The following TYR variants were observed in gnomAD, a reference collection of about 807,000 sequenced individuals.
The protein encoded by TYR is tyrosinase.
Under a neutral mutation model 51.5 loss-of-function variants are expected in TYR, and 58 were observed. That is an observed-to-expected ratio of 1.13 (90% CI 0.91 to 1.40). The LOEUF is 1.40. Ranked by LOEUF, TYR falls within the 40% of genes most tolerant of loss-of-function variation. The pLI, the probability that TYR is intolerant of heterozygous loss-of-function variation, is 0.00. For synonymous variants in TYR, 263 were observed against 235.2 expected, an observed-to-expected ratio of 1.12 and a Z score of -1.08; for missense variants, 732 against 647.4, an observed-to-expected ratio of 1.13 and a Z score of -1.42.
chr11:89,222,778 G>T (rs181811017), intron 2 of TYR, among the ~76,000 whole-genome samples: 2 of 152,208 alleles, frequency 1.3e-5, no homozygotes, highest in East Asian at 3.9e-4. Context: ...ACCTGAAACT[G>T]GGTTTATTAA....
At chr11:89,189,700 T>C (rs977320585) in intron 1 of TYR, among the ~76,000 whole-genome samples, 1 of 152,162 alleles carries the variant, frequency 6.6e-6, no homozygotes, top group East Asian at 1.9e-4. Flanking sequence ...ATAAATATTT[T>C]ATTTTCTATA....
chr11:89,224,845 T>C (rs75610841), intron 2 of TYR, among the ~76,000 whole-genome samples: 2,550 of 152,270 alleles, frequency 0.017, 65 homozygotes, highest in African/African-American at 0.059. Flanking sequence ...GGGTAGTTTA[T>C]AAATAAATTC....
intron 4 of TYR, among the ~76,000 whole-genome samples, chr11:89,290,333 T>A (rs1944840824): frequency 6.6e-6 from 1 of 151,978 alleles, no homozygotes; most frequent in Admixed American, 6.6e-5. Flanking sequence ...TTGAGACCAC[T>A]TGGAATGAAT....
At chr11:89,290,037 C>T (rs1381866329) in intron 4 of TYR, among the ~76,000 whole-genome samples, 1 of 151,868 alleles carries the variant, frequency 6.6e-6, no homozygotes, top group African/African-American at 2.4e-5. Context: ...AGTAATGGCC[C>T]CTAACTACTT....
chr11:89,264,424 A>C (rs1944499996), intron 3 of TYR, among the ~76,000 whole-genome samples: 1 of 151,842 alleles, frequency 6.6e-6, no homozygotes, highest in Non-Finnish European at 1.5e-5. Context: ...GGTTGATTAC[A>C]TAGGTAAACT....
intron 3 of TYR, among the ~76,000 whole-genome samples, chr11:89,271,126 A>C (rs550455464): frequency 6.6e-6 from 1 of 151,892 alleles, no homozygotes; most frequent in Non-Finnish European, 1.5e-5. Context: ...AGTATTTATA[A>C]TTTTAATAAC....
At chr11:89,229,571 A>G (rs1944019494) in intron 3 of TYR, among the ~76,000 whole-genome samples, 1 of 152,010 alleles carries the variant, frequency 6.6e-6, no homozygotes, top group Admixed American at 6.6e-5. Context: ...AAAAAAAAGA[A>G]AAAGAAAAAC....
intron 2 of TYR, among the ~76,000 whole-genome samples, chr11:89,220,185 G>A (rs1206316597): frequency 2.0e-5 from 3 of 151,992 alleles, no homozygotes; most frequent in Non-Finnish European, 2.9e-5. Context: ...TCTGTAGGCC[G>A]TACAGGAAGC....
At chr11:89,231,101 G>C (rs905172299) in intron 3 of TYR, among the ~76,000 whole-genome samples, 1 of 146,744 alleles carries the variant, frequency 6.8e-6, no homozygotes, top group Non-Finnish European at 1.5e-5. Context: ...AACTTGGGAG[G>C]TAGAGTTTGC....
chr11:89,231,764 G>T (rs1442999865), intron 3 of TYR, among the ~76,000 whole-genome samples: 1 of 141,706 alleles, frequency 7.1e-6, no homozygotes, highest in Non-Finnish European at 1.5e-5. Context: ...TGGGTGGATT[G>T]CCTGAGCTCA....
At chr11:89,215,076 A>G (rs1458976230) in intron 2 of TYR, among the ~76,000 whole-genome samples, 1 of 152,186 alleles carries the variant, frequency 6.6e-6, no homozygotes, top group Admixed American at 6.5e-5. Flanking sequence ...ACTTGCTATT[A>G]AAATATTTGC....
chr11:89,260,720 A>G (rs1419116935), intron 3 of TYR, among the ~76,000 whole-genome samples: 2 of 152,204 alleles, frequency 1.3e-5, no homozygotes, highest in Non-Finnish European at 2.9e-5. Context: ...AAGAAAATAT[A>G]TAAGGCTATA....
chr11:89,263,311 A>G (rs1256085011), intron 3 of TYR, among the ~76,000 whole-genome samples: 1 of 152,002 alleles, frequency 6.6e-6, no homozygotes, highest in Non-Finnish European at 1.5e-5. Flanking sequence ...GATTTAAAAA[A>G]CAAACATGCA....
chr11:89,255,300 T>G (rs904440051), intron 3 of TYR, among the ~76,000 whole-genome samples: 1 of 151,724 alleles, frequency 6.6e-6, no homozygotes, highest in Non-Finnish European at 1.5e-5. Context: ...GTTGTTGGGT[T>G]GAAAGTTCTG....
At chr11:89,292,506 G>A (rs1039703228) in intron 4 of TYR, among the ~76,000 whole-genome samples, 1 of 152,044 alleles carries the variant, frequency 6.6e-6, no homozygotes, top group Non-Finnish European at 1.5e-5. Context: ...TAATCAGGAG[G>A]CTAAAGACTT....
chr11:89,275,900 C>T (rs1226462269), intron 3 of TYR, among the ~76,000 whole-genome samples: 1 of 151,812 alleles, frequency 6.6e-6, no homozygotes, highest in Non-Finnish European at 1.5e-5. Flanking sequence ...TCACAATGTA[C>T]AGAGAAACCT....
At chr11:89,207,000 C>T (rs1943680473) in intron 2 of TYR, among the ~76,000 whole-genome samples, 1 of 151,954 alleles carries the variant, frequency 6.6e-6, no homozygotes, top group Non-Finnish European at 1.5e-5. Context: ...AAGTATAGTA[C>T]TAAATGCACA....
At chr11:89,217,751 C>A (rs1269199547) in intron 2 of TYR, among the ~76,000 whole-genome samples, 2 of 152,128 alleles carry the variant, frequency 1.3e-5, no homozygotes, top group African/African-American at 4.8e-5. Context: ...ACTGAAGCCT[C>A]GATTCTTAAC....
At chr11:89,226,607 C>T (rs1943980328) in intron 2 of TYR, among the ~76,000 whole-genome samples, 1 of 152,046 alleles carries the variant, frequency 6.6e-6, no homozygotes, top group Non-Finnish European at 1.5e-5. Flanking sequence ...CACTGTCAGT[C>T]ACAATAGTGG....
Sources: gnomAD v4.1 joint callset for allele counts (sites outside exome capture counted in the v4.1 genomes callset) on GRCh38, gnomAD v4.1.1 for gene constraint, MANE v1.5 for transcripts, NCBI Gene and HGNC (gene_info 2026-07-23, HGNC 2026-07-21) for gene names.